ASAP1: variants seen among roughly 807,000 people sequenced by gnomAD.
The protein encoded by ASAP1 is arf-GAP with SH3 domain, ANK repeat and PH domain-containing protein 1.
In ASAP1, 43 loss-of-function variants were observed where a neutral mutation model predicts 145.2. The observed-to-expected ratio is 0.30, with a 90% CI of 0.23 to 0.38. The LOEUF (loss-of-function observed/expected upper bound fraction) is 0.38. Among genes scored for constraint, ASAP1 ranks in the 10% least tolerant of loss-of-function variants. The pLI is 1.00. For synonymous variants in ASAP1, 546 were observed against 515.5 expected (o/e 1.06, Z -0.80); for missense variants, 1,018 against 1,355.3 (o/e 0.75, Z 3.91).
chr8:130,205,643 G>A (rs1474508397), intron 5 of ASAP1, among the ~76,000 whole-genome samples: 2 of 122,612 alleles, frequency 1.6e-5, no homozygotes, highest in African/African-American at 6.3e-5. Flanking sequence ...AACCTGTTCT[G>A]ACTCCATTTG....
chr8:130,211,379 A>G (rs1415253271), intron 5 of ASAP1, among the ~76,000 whole-genome samples: 4 of 152,202 alleles, frequency 2.6e-5, no homozygotes, highest in Admixed American at 6.5e-5. Context: ...GAGTTTTCAC[A>G]TAACATCTCA....
chr8:130,355,445 G>T (rs987292575), intron 3 of ASAP1, among the ~76,000 whole-genome samples: 1 of 152,084 alleles, frequency 6.6e-6, no homozygotes, highest in African/African-American at 2.4e-5. Context: ...TTTTAAATGA[G>T]AATTCCAAGT....
chr8:130,187,322 C>A (rs769857287), intron 6 of ASAP1, 37 bp from the exon 7 acceptor site: 1 of 1,519,412 alleles, frequency 6.6e-7, no homozygotes, highest in Non-Finnish European at 9.1e-7. Flanking sequence ...ATTGCAACTA[C>A]TTTTGCTGAA....
At chr8:130,374,441 A>C (rs563809961) in intron 2 of ASAP1, among the ~76,000 whole-genome samples, 1 of 152,336 alleles carries the variant, frequency 6.6e-6, no homozygotes, top group Admixed American at 6.5e-5. Context: ...AGTCCAAGGC[A>C]GGAGGATTGC....
intron 26 of ASAP1, among the ~76,000 whole-genome samples, chr8:130,076,890 A>G (rs934031735): frequency 1.3e-5 from 2 of 151,358 alleles, no homozygotes; most frequent in African/African-American, 2.4e-5. Flanking sequence ...AGGCACAGTA[A>G]AAGGATGAAA....
At chr8:130,390,610 T>A (rs1446630970) in intron 2 of ASAP1, among the ~76,000 whole-genome samples, 1 of 152,242 alleles carries the variant, frequency 6.6e-6, no homozygotes, top group Non-Finnish European at 1.5e-5. Context: ...AGGTCTGTAT[T>A]CTCAGTGCCT....
intron 4 of ASAP1, among the ~76,000 whole-genome samples, chr8:130,219,579 GCT>G (rs1394285970): frequency 6.6e-6 from 1 of 152,196 alleles, no homozygotes; most frequent in African/African-American, 2.4e-5. Context: ...GCAGGATGCA[GCT>G]CTGTTTTAAG....
Position 130,117,006 on chromosome 8 carries a change from AGAT to A in ASAP1, c.1881-14_1881-12del, listed in dbSNP as rs759128897. 2.5e-6 allele frequency: 4 copies of A among 1,578,600 alleles called. No individual in the cohort carries two copies. The highest frequency in any genetic ancestry group is 2.6e-6 in the Non-Finnish European group (3 of 1,158,308). On this transcript the variant is annotated splice_polypyrimidine_tract_variant and intron_variant, in intron 20 of 29. Transcript: ENST00000518721. ...TTATCCAGGTTCCCACTGAAAAATT[AGAT>A]GATGATTAGAAAAAAATGACTTACT...
intron 25 of ASAP1, among the ~76,000 whole-genome samples, chr8:130,089,406 G>A (rs932462922): frequency 6.6e-6 from 1 of 152,108 alleles, no homozygotes; most frequent in African/African-American, 2.4e-5. Context: ...CGTGCCTGGT[G>A]TCTACCTCCC....
At chr8:130,061,530 A>G (rs1307877593) in intron 27 of ASAP1, among the ~76,000 whole-genome samples, 2 of 152,192 alleles carry the variant, frequency 1.3e-5, no homozygotes, top group African/African-American at 4.8e-5. Context: ...AGTTGTATGT[A>G]ATTTTGAATG....
rs533617859 is a variant in ASAP1, at chr8:130,187,599, G to T, written c.481-314C>A. ...CCTGGCTAATTCTTGTACTTCTTCT[G>T]TAGACATGGGGGTCTTATTATGTTG... On this transcript the variant is annotated intron_variant, in intron 6 of 29. Transcript: ENST00000518721. 2.0e-5 allele frequency among the ~76,000 whole-genome samples: 3 copies of T among 152,110 alleles called. No homozygotes were observed. The South Asian group carries it at 6.2e-4, about 32-fold the overall frequency.
intron 24 of ASAP1, among the ~76,000 whole-genome samples, chr8:130,110,423 T>G (rs1165538992): frequency 6.6e-6 from 1 of 152,208 alleles, no homozygotes; most frequent in South Asian, 2.1e-4. Context: ...CTTCTCACAG[T>G]CCTCTGTAGG....
chr8:130,431,122 C>T (rs1336306126), intron 1 of ASAP1, among the ~76,000 whole-genome samples: 1 of 152,168 alleles, frequency 6.6e-6, no homozygotes, highest in Non-Finnish European at 1.5e-5. Context: ...ATGGCTCTCT[C>T]TCTTCCCCAT....
At chr8:130,077,535 TG>T (rs2097465745) in intron 26 of ASAP1, among the ~76,000 whole-genome samples, 1 of 127,898 alleles carries the variant, frequency 7.8e-6, no homozygotes, top group Admixed American at 9.5e-5. Flanking sequence ...CTGCTGCTGC[TG>T]CTTTTTTTTT....
chr8:130,413,373 C>T (rs1301539714), intron 1 of ASAP1, among the ~76,000 whole-genome samples: 3 of 152,168 alleles, frequency 2.0e-5, no homozygotes, highest in Non-Finnish European at 4.4e-5. Flanking sequence ...TTGTAATTAC[C>T]GTATTTCCTC....
In ASAP1 at chr8:130,221,704, C is replaced by A. The variant is rs377341560; in HGVS notation, c.260-7003G>T. ...TTTCTCCTGTTAATTTGTCTTTTGT[C>A]CATATAATTTGCAGATGTCAGCCAC... is the stretch of plus-strand genomic sequence containing the variant. On this transcript the variant is annotated intron_variant, in intron 4 of 29. Transcript: ENST00000518721. 3.3e-3 allele frequency among the ~76,000 whole-genome samples: 499 copies of A among 152,200 alleles called. 2 individuals carry two copies. Among genetic ancestry groups the A allele is most frequent in the African/African-American group, 0.011 (475 of 41,512 alleles).
chr8:130,084,109 A>G (rs2097487403), intron 25 of ASAP1: 1 of 152,252 alleles, frequency 6.6e-6, no homozygotes, highest in African/African-American at 2.4e-5. Context: ...ACCACTTTTT[A>G]ACAAAATGTC....
intron 2 of ASAP1, among the ~76,000 whole-genome samples, chr8:130,381,416 G>C (rs1827763365): frequency 6.6e-6 from 1 of 151,738 alleles, no homozygotes; most frequent in African/African-American, 2.4e-5. Flanking sequence ...TAATGAGACA[G>C]AGTTTTTCAT....
At chr8:130,252,201 T>C (rs947235020) in intron 3 of ASAP1, among the ~76,000 whole-genome samples, 2 of 152,204 alleles carry the variant, frequency 1.3e-5, no homozygotes, top group African/African-American at 4.8e-5. Flanking sequence ...CAAAGGTCTA[T>C]CATTTATTGT....
Sources: allele counts gnomAD v4.1 joint callset (sites outside exome capture counted in the v4.1 genomes callset), GRCh38; gene constraint gnomAD v4.1.1; transcripts MANE v1.5; gene names NCBI Gene and HGNC (gene_info 2026-07-23, HGNC 2026-07-21).